Variants in MS4A18 observed in about 807,000 individuals in gnomAD.
The protein encoded by MS4A18 is membrane spanning 4-domains A18, also known as membrane-spanning 4-domains subfamily A member 18.
MS4A18 carries 27 observed loss-of-function variants against 13.1 expected under a neutral mutation model. The ratio of observed to expected loss-of-function variants is 2.06; its 90% CI spans 1.52 to 2.84. MS4A18 has a LOEUF of 2.84. Among genes scored for constraint, MS4A18 ranks in the 30% most tolerant of loss-of-function variants. MS4A18 has a pLI of 0.00. For synonymous variants in MS4A18, 126 were observed against 76.5 expected (o/e 1.65, Z -3.38); for missense variants, 307 against 196.4 (o/e 1.56, Z -3.37).
chr11:60,735,911 C>G (rs1853332521), intron 2 of MS4A18, among the ~76,000 whole-genome samples: 1 of 152,010 alleles, frequency 6.6e-6, no homozygotes, highest in African/African-American at 2.4e-5. Flanking sequence ...ATCCACCCAC[C>G]TCGGCCTCCC....
chr11:60,735,589 G>A (rs548098366), intron 2 of MS4A18, among the ~76,000 whole-genome samples: 19 of 146,064 alleles, frequency 1.3e-4, no homozygotes, highest in Admixed American at 4.2e-4. Context: ...CACCCGCCTC[G>A]GCCTCCCAAA....
chr11:60,734,606 C>T (rs935219152), intron 2 of MS4A18, among the ~76,000 whole-genome samples: 2 of 151,828 alleles, frequency 1.3e-5, no homozygotes, highest in African/African-American at 4.8e-5. Context: ...AGATGAGGTC[C>T]CTAGGGTGGT....
chr11:60,744,180 T>C (rs1295681493), exon 6 of MS4A18: 6 of 577,294 alleles, frequency 1.0e-5, no homozygotes. Flanking sequence ...GTTATTGATG[T>C]CTTTTTTTTC....
chr11:60,740,016 G>A (rs754378702), intron 4 of MS4A18, among the ~76,000 whole-genome samples: 19 of 152,230 alleles, frequency 1.2e-4, no homozygotes, highest in Non-Finnish European at 2.8e-4. Context: ...CTGATGCACA[G>A]GGTGTAACTT....
intron 4 of MS4A18, 21 bp downstream of exon 5, chr11:60,739,018 G>C (rs1314544930): frequency 1.0e-5 from 7 of 702,286 alleles, no homozygotes; most frequent in Non-Finnish European, 1.8e-5. Flanking sequence ...GACTGCCAGG[G>C]CCCCGTGCTG....
upstream of MS4A18, among the ~76,000 whole-genome samples, chr11:60,727,678 T>C (rs954999298): frequency 6.6e-6 from 1 of 152,160 alleles, no homozygotes; most frequent in Admixed American, 6.5e-5. Context: ...GGATTTGGTG[T>C]CTTGCCAGTA....
At chr11:60,744,231 C>T, downstream of MS4A18, 2 of 503,428 alleles carry the variant, frequency 4.0e-6, no homozygotes, top group Middle Eastern at 5.3e-4. Flanking sequence ...TATCTTTTAA[C>T]CTTGGCAAAG....
intron 1 of MS4A18, among the ~76,000 whole-genome samples, chr11:60,732,739 A>G (rs1367009941): frequency 8.3e-5 from 10 of 120,238 alleles, no homozygotes; most frequent in Non-Finnish European, 1.8e-4. Context: ...TCAAAAAAAA[A>G]AAAAAAAAAA....
intron 2 of MS4A18, among the ~76,000 whole-genome samples, chr11:60,736,504 C>A (rs1472704560): frequency 2.0e-5 from 3 of 152,144 alleles, no homozygotes; most frequent in Admixed American, 6.5e-5. Context: ...GGTCCAGGAC[C>A]ACAGCAGATG....
Position 60,729,673 on chromosome 11 carries a change from G to GCTAA in MS4A18, c.360_363dup (p.Pro122Ter), listed in dbSNP as rs1168089445. The stretch of plus-strand genomic sequence containing the variant: ...TGGAGACCTTCAGAATCCTCTGAAT[G>GCTAA]CTAACCCTGGGCTGACACACACCTC... On this transcript the variant is annotated frameshift_variant, in exon 1 of 6. Coordinates refer to ENST00000529108, the Ensembl canonical transcript of MS4A18. LOFTEE classifies it high-confidence loss of function. The GCTAA allele has an allele frequency of 2.8e-6, 2 of 702,612 alleles. No individual in the cohort carries two copies. The highest frequency in any genetic ancestry group is 5.2e-6 in the Non-Finnish European group (2 of 384,846). The allele number at this position is 702,612 out of a possible 1,614,324, so 43.5% of individuals were successfully genotyped here.
chr11:60,727,160 G>T (rs552765611), upstream of MS4A18, among the ~76,000 whole-genome samples: 1 of 152,156 alleles, frequency 6.6e-6, no homozygotes. Context: ...CCAGTCTATT[G>T]TTGAGGGGCA....
At chr11:60,738,878 T>TCTCCTCTCC (rs1006388921) in intron 3 of MS4A18, 24 bp from the exon 5 acceptor site, 3 of 702,730 alleles carry the variant, frequency 4.3e-6, no homozygotes, top group African/African-American at 1.7e-5. Flanking sequence ...CGGCTCCCTC[T>TCTCCTCTCC]CTCCTCTCCC....
chr11:60,742,541 C>G (rs1853426301), intron 5 of MS4A18, among the ~76,000 whole-genome samples: 1 of 152,182 alleles, frequency 6.6e-6, no homozygotes, highest in Non-Finnish European at 1.5e-5. Context: ...AGACCAATAC[C>G]TTTAGATTCT....
upstream of MS4A18, among the ~76,000 whole-genome samples, chr11:60,728,570 TGTGA>T (rs1034602936): frequency 3.3e-5 from 5 of 151,722 alleles, no homozygotes; most frequent in African/African-American, 9.7e-5. Context: ...TCTCTGTGTG[TGTGA>T]GTGTGTGTCT....
At chr11:60,733,426 C>A in intron 1 of MS4A18, 108 bp from the exon 3 acceptor site, 2 of 674,898 alleles carry the variant, frequency 3.0e-6, no homozygotes, top group South Asian at 1.6e-5. Flanking sequence ...GCCCCCAACA[C>A]CAATCACCCC....
intron 2 of MS4A18, among the ~76,000 whole-genome samples, chr11:60,736,032 T>C (rs1162413887): frequency 6.6e-6 from 1 of 152,178 alleles, no homozygotes; most frequent in Non-Finnish European, 1.5e-5. Flanking sequence ...TGGCTTTGCT[T>C]GTTTACAAAC....
chr11:60,728,134 A>T (rs1178341256), upstream of MS4A18, among the ~76,000 whole-genome samples: 1 of 152,246 alleles, frequency 6.6e-6, no homozygotes, highest in Non-Finnish European at 1.5e-5. Context: ...ATTGAAAGGG[A>T]TGATCATTCC....
chr11:60,739,005 T>A lies in MS4A18; in HGVS notation c.744+8T>A, dbSNP rs1352151259. On this transcript the variant is annotated splice_region_variant and intron_variant, in intron 4 of 5. Transcript: ENST00000529108. ...AGCCTTTACTATGTGACGGTGAGCA[T>A]CTGACTGCCAGGGCCCCGTGCTGCC... is the stretch of plus-strand genomic sequence containing the variant. The A allele has an allele frequency of 1.4e-6, 1 of 702,986 alleles. No homozygotes were observed. Among genetic ancestry groups the A allele is most frequent in the South Asian group, 1.5e-5 (1 of 67,564 alleles). The allele number at this position is 702,986 out of a possible 1,614,324, so 43.5% of individuals were successfully genotyped here. A position where few individuals can be genotyped will look rare whatever the true frequency, so the allele number is the denominator to read the frequency against.
At chr11:60,744,860 A>G (rs1366339166), downstream of MS4A18, among the ~76,000 whole-genome samples, 1 of 152,216 alleles carries the variant, frequency 6.6e-6, no homozygotes, top group Non-Finnish European at 1.5e-5. Context: ...TGCTGGTGAA[A>G]ACAGAGCAAC....
Sources: gnomAD v4.1 joint callset for allele counts (sites outside exome capture counted in the v4.1 genomes callset) on GRCh38, gnomAD v4.1.1 for gene constraint, MANE v1.5 for transcripts, NCBI Gene and HGNC (gene_info 2026-07-23, HGNC 2026-07-21) for gene names.